YWHAZ: variants seen among roughly 807,000 people sequenced by gnomAD.
YWHAZ encodes tyrosine 3-monooxygenase/tryptophan 5-monooxygenase activation protein zeta, also known as 14-3-3 protein zeta/delta.
For missense variants in YWHAZ, 79 were observed against 284.8 expected, an observed-to-expected ratio of 0.28 and a Z score of 5.20; for synonymous variants, 87 against 103.6, an observed-to-expected ratio of 0.84 and a Z score of 0.97.
chr8:100,920,808 G>GC (rs1812970736), intron 5 of YWHAZ, 56 bp from the exon 6 acceptor site: 2 of 464,732 alleles, frequency 4.3e-6, no homozygotes, highest in Non-Finnish European at 7.9e-6. Flanking sequence ...GGGGGGGGGG[G>GC]CGTTTTCATA....
intron 2 of YWHAZ, among the ~76,000 whole-genome samples, chr8:100,942,023 A>G (rs1378487615): frequency 6.6e-6 from 1 of 152,170 alleles, no homozygotes; most frequent in Non-Finnish European, 1.5e-5. Context: ...AACTATCCTT[A>G]TATTCTTTTA....
At chr8:100,932,797 C>T (rs1813847446) in intron 2 of YWHAZ, among the ~76,000 whole-genome samples, 1 of 152,094 alleles carries the variant, frequency 6.6e-6, no homozygotes, top group African/African-American at 2.4e-5. Flanking sequence ...CTGGACTTCC[C>T]ATTTTGCCTC....
chr8:100,920,796 G>GC (rs750641999), intron 5 of YWHAZ, 44 bp from the exon 6 acceptor site: 4 of 537,894 alleles, frequency 7.4e-6, no homozygotes, highest in Non-Finnish European at 1.0e-5. Context: ...TCAGTGGGAT[G>GC]GGGGGGGGGG....
Position 100,951,993 on chromosome 8 carries a change from G to A in YWHAZ, c.-76C>T. On this transcript the variant is annotated 5_prime_UTR_variant, in exon 1 of 6. Coordinates refer to ENST00000395958, the MANE Select transcript of YWHAZ (RefSeq NM_145690.3). Reference sequence around the variant, plus strand: ...CAGCAGTCTCTGGGCGGCGGCGGCGGCAGCAGCGGCGAGGCTGAGACTCTG... The same window carrying A: ...CAGCAGTCTCTGGGCGGCGGCGGCGACAGCAGCGGCGAGGCTGAGACTCTG... 1 of 1,003,814 alleles carries A rather than the reference G, an allele frequency of 1.0e-6. No individual in the cohort carries two copies. The highest frequency in any genetic ancestry group is 1.2e-6 in the Non-Finnish European group (1 of 842,624). 62.2% of individuals were successfully genotyped at this position (1,003,814 alleles called of 1,614,324 possible). A position where few individuals can be genotyped will look rare whatever the true frequency, so the allele number is the denominator to read the frequency against.
At chr8:100,931,511 A>G (rs1358363815) in intron 2 of YWHAZ, among the ~76,000 whole-genome samples, 7 of 152,212 alleles carry the variant, frequency 4.6e-5, no homozygotes, top group African/African-American at 1.7e-4. Context: ...CACTTGTTAG[A>G]AGAAAAGCTT....
intron 1 of YWHAZ, chr8:100,951,375 CCGCAGCGCCCAG>C: frequency 1.0e-6 from 1 of 983,426 alleles, no homozygotes; most frequent in Non-Finnish European, 1.2e-6. Context: ...GGTCCCGCCG[CCGCAGCGCCCAG>C]CGCGGAGGCT....
At position 100,927,078 on chromosome 8, in the gene YWHAZ, T is replaced by A. The variant is rs73697336; in HGVS notation, c.295-2039A>T. The stretch of plus-strand genomic sequence containing the variant: ...GACCTCTAAGATTATTGAGAAAAAA[T>A]ACAGGTAAGCACTTAGGAGTAAGCA... On this transcript the variant is annotated intron_variant, in intron 2 of 5. Coordinates refer to ENST00000395958, the MANE Select transcript of YWHAZ (RefSeq NM_145690.3). Among the ~76,000 whole-genome samples, 147 of 152,320 alleles carry A rather than the reference T, an allele frequency of 9.7e-4. 1 individual carries two copies. Among genetic ancestry groups the A allele is most frequent in the African/African-American group, 3.4e-3 (143 of 41,564 alleles).
chr8:100,930,785 T>C (rs918513950), intron 2 of YWHAZ, among the ~76,000 whole-genome samples: 1 of 152,242 alleles, frequency 6.6e-6, no homozygotes, highest in Admixed American at 6.5e-5. Flanking sequence ...TGACAGCCAC[T>C]GTCTTTTAAA....
At chr8:100,940,080 G>A (rs1270833577) in intron 2 of YWHAZ, among the ~76,000 whole-genome samples, 11 of 116,654 alleles carry the variant, frequency 9.4e-5, no homozygotes, top group Non-Finnish European at 9.5e-5. Context: ...AAAAAAAAAA[G>A]TGAAACACTA....
chr8:100,949,955 C>T (rs2130372536), intron 1 of YWHAZ, among the ~76,000 whole-genome samples: 1 of 152,308 alleles, frequency 6.6e-6, no homozygotes, highest in Middle Eastern at 3.4e-3. Context: ...GAGGAAAATA[C>T]ACACCCTGAA....
At chr8:100,947,088 C>T (rs1810342868) in intron 2 of YWHAZ, among the ~76,000 whole-genome samples, 1 of 151,180 alleles carries the variant, frequency 6.6e-6, no homozygotes, top group African/African-American at 2.4e-5. Flanking sequence ...CCCGTCTCTA[C>T]TAAAAATACA....
intron 1 of YWHAZ, among the ~76,000 whole-genome samples, chr8:100,949,718 A>G (rs1258508427): frequency 6.6e-6 from 1 of 152,242 alleles, no homozygotes; most frequent in Non-Finnish European, 1.5e-5. Context: ...GTTGAAATGC[A>G]GAAGTGCTGC....
At chr8:100,947,067 C>G (rs936119608) in intron 2 of YWHAZ, among the ~76,000 whole-genome samples, 1 of 151,630 alleles carries the variant, frequency 6.6e-6, no homozygotes, top group East Asian at 1.9e-4. Context: ...TCCTGGCTAA[C>G]ATGGTGAAAC....
chr8:100,919,393 C>G lies in YWHAZ; in HGVS notation c.*1300G>C, dbSNP rs542590378. 1.3e-5 allele frequency: 2 copies of G among 152,530 alleles called. No homozygotes were observed. The highest frequency in any genetic ancestry group is 2.9e-5 in the Non-Finnish European group (2 of 68,036). 9.4% of individuals were successfully genotyped at this position (152,530 alleles called of 1,614,324 possible). On this transcript the variant is annotated 3_prime_UTR_variant, in exon 6 of 6. Transcript: ENST00000395958. ...TTGTGGCTTCCTAAGTTAGAAAATG[C>G]CATATGCCAAAATTTTAAATGGAAC...
intron 1 of YWHAZ, chr8:100,951,370 C>A (rs1325781599): frequency 1.0e-6 from 1 of 984,258 alleles, no homozygotes; most frequent in African/African-American, 1.8e-5. Context: ...GGCCGGGTCC[C>A]GCCGCCGCAG....
In YWHAZ at chr8:100,920,800, G is replaced by T. The variant is rs3735706; in HGVS notation, c.679-48C>A. On this transcript the variant is annotated intron_variant, in intron 5 of 5. Transcript: ENST00000395958. ...TTCAGCAAGTTTCAGTGGGATGGGG[G>T]GGGGGGGGCGTTTTCATATAAGTGC... 2.3e-5 allele frequency: 22 copies of T among 950,362 alleles called. No homozygotes were observed. In the African/African-American group the frequency reaches 2.4e-4, roughly 10 times the overall value. The allele number at this position is 950,362 out of a possible 1,614,324, so 58.9% of individuals were successfully genotyped here. A position where few individuals can be genotyped will look rare whatever the true frequency, so the allele number is the denominator to read the frequency against.
intron 2 of YWHAZ, among the ~76,000 whole-genome samples, chr8:100,938,224 CTT>C (rs1298915672): frequency 6.6e-6 from 1 of 152,200 alleles, no homozygotes; most frequent in Non-Finnish European, 1.5e-5. Flanking sequence ...AACCCAGTAT[CTT>C]GATAGCAGAT....
chr8:100,953,354 G>T (rs988097223), upstream of YWHAZ: 6 of 985,580 alleles, frequency 6.1e-6, no homozygotes, highest in East Asian at 5.7e-4. Flanking sequence ...CAGGCCGGGT[G>T]ATGAGCCGGG....
intron 2 of YWHAZ, among the ~76,000 whole-genome samples, chr8:100,935,650 AAAG>A (rs780636438): frequency 6.6e-6 from 1 of 152,236 alleles, no homozygotes; most frequent in East Asian, 1.9e-4. Context: ...TGTAATGAAC[AAAG>A]AAGAACCTAA....
Sources: gnomAD v4.1 joint callset for allele counts (sites outside exome capture counted in the v4.1 genomes callset) on GRCh38, gnomAD v4.1.1 for gene constraint, MANE v1.5 for transcripts, NCBI Gene and HGNC (gene_info 2026-07-23, HGNC 2026-07-21) for gene names.